Variants in PCDHGA9 observed in about 807,000 individuals in gnomAD.
The protein encoded by PCDHGA9 is protocadherin gamma subfamily A, 9.
Under a neutral mutation model 62.5 loss-of-function variants are expected in PCDHGA9, and 37 were observed. The ratio of observed to expected loss-of-function variants is 0.59; its 90% CI spans 0.46 to 0.78. The LOEUF (loss-of-function observed/expected upper bound fraction) is 0.78. PCDHGA9 is among the 30% of genes least tolerant of loss of function. The pLI, the probability that PCDHGA9 is intolerant of heterozygous loss-of-function variation, is 0.00. For missense variants in PCDHGA9, 1,138 were observed against 1,166.2 expected, an observed-to-expected ratio of 0.98 and a Z score of 0.35; for synonymous variants, 459 against 484.6, an observed-to-expected ratio of 0.95 and a Z score of 0.69.
At chr5:141,467,005 G>A (rs1365805332) in intron 1 of PCDHGA9, among the ~76,000 whole-genome samples, 3 of 150,724 alleles carry the variant, frequency 2.0e-5, no homozygotes, top group Non-Finnish European at 4.4e-5. Flanking sequence ...TTTTTGCAAT[G>A]CAATTTTTTT....
At chr5:141,505,579 G>A (rs1047837546) in intron 3 of PCDHGA9, 98 bp downstream of exon 3, 6 of 1,588,858 alleles carry the variant, frequency 3.8e-6, no homozygotes, top group Non-Finnish European at 4.3e-6. Flanking sequence ...TCAAACCTGT[G>A]TAGTTTCTCC....
At chr5:141,425,457 T>G (rs936918643) in intron 1 of PCDHGA9, among the ~76,000 whole-genome samples, 6 of 152,318 alleles carry the variant, frequency 3.9e-5, no homozygotes, top group Admixed American at 6.5e-5. Flanking sequence ...ACCATCACAT[T>G]TCATGTTATT....
At position 141,409,164 on chromosome 5, in the gene PCDHGA9, C is replaced by T. The variant is rs115772303; in HGVS notation, c.2424+3788C>T. ...GAAAGGTACACCATGGAAGTGGAAG[C>T]GAAGGACGGAGGTGGTCTCTCTACC... On this transcript the variant is annotated intron_variant, in intron 1 of 3. Transcript: ENST00000573521. 2.0e-3 allele frequency: 3,227 copies of T among 1,613,908 alleles called. 51 individuals are homozygous for T. In the African/African-American group the frequency reaches 0.029, roughly 14 times the overall value.
rs34752215 is a variant in PCDHGA9 at position 141,427,657 on chromosome 5, A to C, written c.2424+22281A>C. The C allele has an allele frequency of 1.4e-3, 1,030 of 734,210 alleles. 5 individuals carry two copies. Among genetic ancestry groups the C allele is most frequent in the Middle Eastern group, 5.7e-3 (25 of 4,398 alleles). The allele number at this position is 734,210 out of a possible 1,614,324, so 45.5% of individuals were successfully genotyped here. On this transcript the variant is annotated intron_variant, in intron 1 of 3. Coordinates refer to ENST00000573521, the MANE Select transcript of PCDHGA9 (RefSeq NM_018921.3). The stretch of plus-strand genomic sequence containing the variant: ...TTCCACCAAGTCTCCTACGTGGTCC[A>C]CGTGGCCGAAAACAACCTTCCCGGA...
Position 141,511,508 on chromosome 5 carries a change from C to T in PCDHGA9, c.*335C>T, listed in dbSNP as rs1339517659. 7.8e-6 allele frequency: 3 copies of T among 385,970 alleles called. No individual in the cohort carries two copies. Among genetic ancestry groups the T allele is most frequent in the Non-Finnish European group, 1.5e-5 (3 of 206,164 alleles). The allele number at this position is 385,970 out of a possible 1,614,324, so 23.9% of individuals were successfully genotyped here. Reference sequence around the variant, plus strand: ...TCCTCCATCTTCCAAATCAATCAGGCCCATCCATCCCATGCCTCCCTCCTC... The same window carrying T: ...TCCTCCATCTTCCAAATCAATCAGGTCCATCCATCCCATGCCTCCCTCCTC... On this transcript the variant is annotated 3_prime_UTR_variant, in exon 4 of 4. Coordinates refer to ENST00000573521, the MANE Select transcript of PCDHGA9 (RefSeq NM_018921.3).
At chr5:141,467,649 T>C (rs2099147987) in intron 1 of PCDHGA9, among the ~76,000 whole-genome samples, 1 of 152,146 alleles carries the variant, frequency 6.6e-6, no homozygotes, top group Non-Finnish European at 1.5e-5. Flanking sequence ...TGTACCAAAC[T>C]TCTATAGTGC....
chr5:141,481,781 G>A (rs957054361), intron 1 of PCDHGA9, among the ~76,000 whole-genome samples: 3 of 151,998 alleles, frequency 2.0e-5, no homozygotes, highest in Admixed American at 6.6e-5. Context: ...GTGAAACCCC[G>A]TCTCTACTAA....
intron 1 of PCDHGA9, among the ~76,000 whole-genome samples, chr5:141,453,121 G>A (rs62379169): frequency 4.7e-4 from 71 of 151,818 alleles, no homozygotes; most frequent in Non-Finnish European, 8.4e-4. Flanking sequence ...GTTTTGTTTT[G>A]TTTTGTTTTT....
chr5:141,447,226 G>A (rs746777844), intron 1 of PCDHGA9, among the ~76,000 whole-genome samples: 1 of 151,910 alleles, frequency 6.6e-6, no homozygotes, highest in Non-Finnish European at 1.5e-5. Context: ...TGCAACCTCC[G>A]CCTCCCGGGT....
Position 141,403,779 on chromosome 5 carries a change from A to G in PCDHGA9, c.827A>G (p.Lys276Arg). The G allele has an allele frequency of 6.2e-7, 1 of 1,613,970 alleles. No homozygotes were observed. Among genetic ancestry groups the G allele is most frequent in the Non-Finnish European group, 8.5e-7 (1 of 1,179,910 alleles). Residue 276 changes from lysine (K) to arginine (R), a missense_variant, in exon 1 of 4, where the codon AAA (lysine) becomes AGA (arginine). Transcript: ENST00000573521. The part of the protein sequence containing the change: ...ASDLDEGING[K>R]VAYKFWKINE... ...GACCTGGATGAGGGAATCAACGGAA[A>G]AGTGGCATACAAATTCTGGAAAATT...
In PCDHGA9 at chr5:141,512,845, A is replaced by G. The variant is rs1166488780; in HGVS notation, c.*1672A>G. On this transcript the variant is annotated 3_prime_UTR_variant, in exon 4 of 4. Coordinates refer to ENST00000573521, the MANE Select transcript of PCDHGA9 (RefSeq NM_018921.3). ...CTCCCCCGTACTGACTTCTCCTATA[A>G]GCGCTTCTCTTCGCATAGTCACGTA... The G allele has an allele frequency of 6.6e-6, 1 of 152,156 alleles. No individual in the cohort carries two copies. Among genetic ancestry groups the G allele is most frequent in the African/African-American group, 2.4e-5 (1 of 41,380 alleles). 9.4% of individuals were successfully genotyped at this position (152,156 alleles called of 1,614,324 possible).
At position 141,403,074 on chromosome 5, in the gene PCDHGA9, A is replaced by T. The variant is rs777613681; in HGVS notation, c.122A>T (p.Lys41Met). The T allele has an allele frequency of 6.2e-7, 1 of 1,614,088 alleles. No individual in the cohort carries two copies. Among genetic ancestry groups the T allele is most frequent in the South Asian group, 1.1e-5 (1 of 91,092 alleles). ...TACTCAGTGCCTGAAGAGACAGAAAAGGGCTATATTGTGGGCAACATCTCC... is the reference window on the plus strand; with the variant it reads ...TACTCAGTGCCTGAAGAGACAGAAATGGGCTATATTGTGGGCAACATCTCC... ...IRYSVPEETE[K>M]GYIVGNISKD... The change falls in exon 1 of 4, where the codon AAG becomes ATG. Residue 41 changes from lysine to methionine, a missense_variant. Lys to Met is a moderately conservative substitution (Grantham distance 95, BLOSUM62 -1). Transcript: ENST00000573521.
chr5:141,494,921 A>C (rs1345734925), intron 2 of PCDHGA9, 56 bp downstream of exon 2: 6 of 1,613,556 alleles, frequency 3.7e-6, no homozygotes, highest in Non-Finnish European at 5.1e-6. Flanking sequence ...CTCAGGGATG[A>C]CGTGGGAGGA....
chr5:141,415,455 G>A (rs571718366), intron 1 of PCDHGA9: 2 of 1,614,186 alleles, frequency 1.2e-6, no homozygotes, highest in African/African-American at 1.3e-5. Context: ...ATTCCCACGA[G>A]GTCTCTCTCA....
chr5:141,454,142 C>T (rs2098782408), intron 1 of PCDHGA9, among the ~76,000 whole-genome samples: 1 of 152,222 alleles, frequency 6.6e-6, no homozygotes, highest in Non-Finnish European at 1.5e-5. Context: ...GGAATGTTCA[C>T]ACTGCTACTT....
At chr5:141,446,069 C>T (rs552817495) in intron 1 of PCDHGA9, among the ~76,000 whole-genome samples, 1 of 152,102 alleles carries the variant, frequency 6.6e-6, no homozygotes, top group South Asian at 2.1e-4. Flanking sequence ...AAAGGGGAGG[C>T]AGTGGATGTA....
Position 141,464,279 on chromosome 5 carries a change from CA to C in PCDHGA9, c.2425-30517del, listed in dbSNP as rs373828487. Among the ~76,000 whole-genome samples, 143 of 137,732 alleles carry C rather than the reference CA, an allele frequency of 1.0e-3. 2 individuals are homozygous for C. The Middle Eastern group carries it at 0.015, about 15-fold the overall frequency. 90.4% of individuals were successfully genotyped at this position (137,732 alleles called of 152,430 possible). A position where few individuals can be genotyped will look rare whatever the true frequency, so the allele number is the denominator to read the frequency against. The stretch of plus-strand genomic sequence containing the variant: ...GACTCCGTCTAAAAAAAAAAAAAAG[CA>C]AAAAAAAAAACTCCATTGTATGTGC... On this transcript the variant is annotated intron_variant, in intron 1 of 3. Transcript: ENST00000573521.
At chr5:141,502,512 T>C (rs1029375922) in intron 2 of PCDHGA9, among the ~76,000 whole-genome samples, 2 of 152,212 alleles carry the variant, frequency 1.3e-5, no homozygotes, top group East Asian at 1.9e-4. Context: ...CCTGTCCCAC[T>C]ATCAGTGATG....
chr5:141,438,386 T>C (rs757664430), intron 1 of PCDHGA9, among the ~76,000 whole-genome samples: 1 of 151,778 alleles, frequency 6.6e-6, no homozygotes, highest in Admixed American at 6.6e-5. Flanking sequence ...AATTTCTTAG[T>C]TCATCATTAA....
Sources: allele counts gnomAD v4.1 joint callset (sites outside exome capture counted in the v4.1 genomes callset), GRCh38; gene constraint gnomAD v4.1.1; transcripts MANE v1.5; gene names NCBI Gene and HGNC (gene_info 2026-07-23, HGNC 2026-07-21).